The following SPEM3 variants were observed in gnomAD, a reference collection of about 807,000 sequenced individuals.
The protein encoded by SPEM3 is SPEM family member 3.
At position 7,429,852 on chromosome 17, in the gene SPEM3, C is replaced by T; in HGVS notation, c.681C>T (p.Thr227=). Residue 227 remains threonine, a synonymous_variant, in exon 3 of 3, where the codon ACC becomes ACT. Transcript: ENST00000636696. The surrounding 1 kb of genome is among the most constrained non-coding windows in gnomAD (Gnocchi z 4.9). ...TGTGCACCCCAACCCACCCCTGGAC[C>T]CGCTCCACGGACCACACCGCTGTGC... ...TPVCTPTHPW[T]RSTDHTAVHT... 1 of 402,532 alleles carries T rather than the reference C, an allele frequency of 2.5e-6. No homozygotes were observed. Among genetic ancestry groups the T allele is most frequent in the South Asian group, 1.1e-4 (1 of 8,798 alleles). 24.9% of individuals were successfully genotyped at this position (402,532 alleles called of 1,614,324 possible). A position where few individuals can be genotyped will look rare whatever the true frequency, so the allele number is the denominator to read the frequency against.
Position 7,431,849 on chromosome 17 carries a change from G to C in SPEM3, c.2678G>C (p.Ser893Thr), listed in dbSNP as rs1907841459. 1 of 398,536 alleles carries C rather than the reference G, an allele frequency of 2.5e-6. No individual in the cohort carries two copies. The highest frequency in any genetic ancestry group is 4.4e-6 in the Non-Finnish European group (1 of 226,070). 24.7% of individuals were successfully genotyped at this position (398,536 alleles called of 1,614,324 possible). A position where few individuals can be genotyped will look rare whatever the true frequency, so the allele number is the denominator to read the frequency against. ...GVIQESFLHK[S>T]PGLVQTSGLP... ...ATCCAGGAATCTTTTCTCCACAAGA[G>C]CCCAGGCCTTGTCCAAACCTCTGGC... Residue 893 changes from serine to threonine, a missense_variant, in exon 3 of 3, where the codon AGC (serine) becomes ACC (threonine). Coordinates refer to ENST00000636696, the MANE Select transcript of SPEM3 (RefSeq NM_001364708.1).
rs533132608 is a variant in SPEM3, at chr17:7,431,855, G to C, written c.2684G>C (p.Gly895Ala). The stretch of plus-strand genomic sequence containing the variant: ...GAATCTTTTCTCCACAAGAGCCCAG[G>C]CCTTGTCCAAACCTCTGGCCTCCCA... ...IQESFLHKSP[G>A]LVQTSGLPKC... is the part of the protein sequence containing the mutation. Residue 895 changes from glycine to alanine, a missense_variant, in exon 3 of 3, where the codon GGC becomes GCC. Physicochemically the swap from Gly to Ala is moderately conservative, Grantham distance 60. Transcript: ENST00000636696. The C allele has an allele frequency of 1.6e-4, 64 of 398,546 alleles. No homozygotes were observed. Among genetic ancestry groups the C allele is most frequent in the African/African-American group, 1.3e-3 (62 of 48,706 alleles). The allele number at this position is 398,546 out of a possible 1,614,324, so 24.7% of individuals were successfully genotyped here.
At position 7,428,879 on chromosome 17, in the gene SPEM3, T is replaced by C; in HGVS notation, c.-24T>C. 1 of 398,642 alleles carries C rather than the reference T, an allele frequency of 2.5e-6. No homozygotes were observed. Among genetic ancestry groups the C allele is most frequent in the East Asian group, 3.6e-5 (1 of 28,064 alleles). The allele number at this position is 398,642 out of a possible 1,614,324, so 24.7% of individuals were successfully genotyped here. A position where few individuals can be genotyped will look rare whatever the true frequency, so the allele number is the denominator to read the frequency against. The stretch of plus-strand genomic sequence containing the variant: ...AGTGACTGTGTGAGGGCCGGGGGCC[T>C]AGGCAGTCCTGGGACCCCAGGCCAT... On this transcript the variant is annotated 5_prime_UTR_variant, in exon 1 of 3. Coordinates refer to ENST00000636696, the MANE Select transcript of SPEM3 (RefSeq NM_001364708.1).
In SPEM3 at chr17:7,430,052, C is replaced by G; in HGVS notation, c.881C>G (p.Ala294Gly). 2.4e-6 allele frequency: 1 copy of G among 413,326 alleles called. No individual in the cohort carries two copies. Among genetic ancestry groups the G allele is most frequent in the Non-Finnish European group, 4.3e-6 (1 of 235,208 alleles). 25.6% of individuals were successfully genotyped at this position (413,326 alleles called of 1,614,324 possible). ...TPAPTPAKAS[A>G]HTKAHTSAQA... is the part of the protein sequence containing the mutation. ...GCCCCTACACCGGCCAAGGCCTCAG[C>G]TCACACTAAAGCCCATACGTCAGCC... is the stretch of plus-strand genomic sequence containing the variant. The change falls in exon 3 of 3, where the codon GCT becomes GGT. Residue 294 changes from alanine (A) to glycine (G), a missense_variant. Physicochemically the swap from Ala to Gly is moderately conservative, Grantham distance 60. Transcript: ENST00000636696.
Position 7,430,226 on chromosome 17 carries a change from C to T in SPEM3, c.1055C>T (p.Ala352Val). The change falls in exon 3 of 3, where the codon GCC becomes GTC. Residue 352 changes from alanine (A) to valine (V), a missense_variant. Ala to Val is a moderately conservative substitution (Grantham distance 64, BLOSUM62 0). Coordinates refer to ENST00000636696, the MANE Select transcript of SPEM3 (RefSeq NM_001364708.1). ...GCCCATGCCCCTGAGTACACCTCAG[C>T]CCATGCCCCAGCGTATATCCCAGAC... ...PQAHAPEYTS[A>V]HAPAYIPDHS... 2.4e-6 allele frequency: 1 copy of T among 412,882 alleles called. No individual in the cohort carries two copies. 25.6% of individuals were successfully genotyped at this position (412,882 alleles called of 1,614,324 possible).
Position 7,430,542 on chromosome 17 carries a change from GCAGAATTTCTTC to G in SPEM3, c.1374_1385del (p.Gln458_Phe461del). ...TGGTCTATGATGCCCGCAGGGAAAA[GCAGAATTTCTTC>G]CATATGTCCAGCCCCCAGAACCCTG... is the stretch of plus-strand genomic sequence containing the variant. On this transcript the variant is annotated inframe_deletion, in exon 3 of 3. Transcript: ENST00000636696. 1 of 398,894 alleles carries G rather than the reference GCAGAATTTCTTC, an allele frequency of 2.5e-6. No homozygotes were observed. Among genetic ancestry groups the G allele is most frequent in the Non-Finnish European group, 4.4e-6 (1 of 226,304 alleles). The allele number at this position is 398,894 out of a possible 1,614,324, so 24.7% of individuals were successfully genotyped here.
Position 7,430,288 on chromosome 17 carries a change from A to T in SPEM3, c.1117A>T (p.Thr373Ser). The T allele has an allele frequency of 2.5e-6, 1 of 407,486 alleles. No individual in the cohort carries two copies. Among genetic ancestry groups the T allele is most frequent in the Non-Finnish European group, 4.3e-6 (1 of 231,716 alleles). The allele number at this position is 407,486 out of a possible 1,614,324, so 25.2% of individuals were successfully genotyped here. A position where few individuals can be genotyped will look rare whatever the true frequency, so the allele number is the denominator to read the frequency against. ...HLVRSSVPVP[T>S]SAPAPPGTLA... ...AGTCCGCAGCTCCGTTCCTGTCCCAACCTCTGCCCCAGCTCCTCCCGGAAC... is the reference window on the plus strand; with the variant it reads ...AGTCCGCAGCTCCGTTCCTGTCCCATCCTCTGCCCCAGCTCCTCCCGGAAC... The change falls in exon 3 of 3, where the codon ACC becomes TCC. Residue 373 changes from threonine (T) to serine (S), a missense_variant. Physicochemically the swap from Thr to Ser is moderately conservative, Grantham distance 58. Transcript: ENST00000636696.
Position 7,429,515 on chromosome 17 carries a change from C to T in SPEM3, c.344C>T (p.Thr115Met), listed in dbSNP as rs1322994984. 19 of 398,564 alleles carry T rather than the reference C, an allele frequency of 4.8e-5. No homozygotes were observed. Among genetic ancestry groups the T allele is most frequent in the Non-Finnish European group, 4.4e-6 (1 of 226,148 alleles). The allele number at this position is 398,564 out of a possible 1,614,324, so 24.7% of individuals were successfully genotyped here. A position where few individuals can be genotyped will look rare whatever the true frequency, so the allele number is the denominator to read the frequency against. ...VNHLDSWIPD[T>M]NDEKVSACCC... Reference sequence around the variant, plus strand: ...CACCTTGACTCCTGGATACCAGACACGAACGATGAGAAGGTTTCTGCGTGC... The same window carrying T: ...CACCTTGACTCCTGGATACCAGACATGAACGATGAGAAGGTTTCTGCGTGC... The change falls in exon 3 of 3, where the codon ACG becomes ATG. Residue 115 changes from threonine to methionine, a missense_variant. Thr to Met is a moderately conservative substitution (Grantham distance 81, BLOSUM62 -1). Transcript: ENST00000636696. The surrounding 1 kb of genome is among the most constrained non-coding windows in gnomAD (Gnocchi z 4.9).
Position 7,431,059 on chromosome 17 carries a change from T to C in SPEM3, c.1888T>C (p.Ser630Pro). Residue 630 changes from serine (S) to proline (P), a missense_variant, in exon 3 of 3, where the codon TCC (serine) becomes CCC (proline). Transcript: ENST00000636696. ...LIQTPTVLPT[S>P]KSPQSILTSQ... is the part of the protein sequence containing the mutation. ...ACAAACCCCTACTGTTCTTCCAACC[T>C]CCAAGTCTCCTCAGTCCATCCTCAC... 1 of 398,728 alleles carries C rather than the reference T, an allele frequency of 2.5e-6. No individual in the cohort carries two copies. Among genetic ancestry groups the C allele is most frequent in the Non-Finnish European group, 4.4e-6 (1 of 226,180 alleles). 24.7% of individuals were successfully genotyped at this position (398,728 alleles called of 1,614,324 possible).
chr17:7,432,276 G>T lies in SPEM3; in HGVS notation c.3105G>T (p.Leu1035Phe). 2 of 398,720 alleles carry T rather than the reference G, an allele frequency of 5.0e-6. No homozygotes were observed. The highest frequency in any genetic ancestry group is 1.3e-4 in the South Asian group (1 of 7,850). The allele number at this position is 398,720 out of a possible 1,614,324, so 24.7% of individuals were successfully genotyped here. A position where few individuals can be genotyped will look rare whatever the true frequency, so the allele number is the denominator to read the frequency against. ...PALGSDFVQL[L>F]SLLQTPKSTL... ...TAGGTTCTGATTTTGTCCAGCTTTT[G>T]TCCCTGCTTCAGACCCCAAAGTCCA... Residue 1035 changes from leucine (L) to phenylalanine (F), a missense_variant, in exon 3 of 3, where the codon TTG (leucine) becomes TTT (phenylalanine). Transcript: ENST00000636696. This position sits in a 1 kb window ranked among gnomAD's most constrained non-coding sequence, Gnocchi z 4.1.
Position 7,432,252 on chromosome 17 carries a change from A to T in SPEM3, c.3081A>T (p.Leu1027=). The T allele has an allele frequency of 2.5e-6, 1 of 398,718 alleles. No homozygotes were observed. The highest frequency in any genetic ancestry group is 2.1e-5 in the African/African-American group (1 of 48,758). The allele number at this position is 398,718 out of a possible 1,614,324, so 24.7% of individuals were successfully genotyped here. Residue 1027 remains leucine, a synonymous_variant, in exon 3 of 3, where the codon CTA becomes CTT. Coordinates refer to ENST00000636696, the MANE Select transcript of SPEM3 (RefSeq NM_001364708.1). The surrounding 1 kb of genome is among the most constrained non-coding windows in gnomAD (Gnocchi z 4.1). Reference sequence around the variant, plus strand: ...TCTACAAGAACCCAAGCCCTGCCCTAGGTTCTGATTTTGTCCAGCTTTTGT... The same window carrying T: ...TCTACAAGAACCCAAGCCCTGCCCTTGGTTCTGATTTTGTCCAGCTTTTGT... ...PSLYKNPSPA[L]GSDFVQLLSL... is the part of the protein sequence containing the mutation.
chr17:7,430,572 G>A lies in SPEM3; in HGVS notation c.1401G>A (p.Gln467=), dbSNP rs1485442758. 2.5e-6 allele frequency: 1 copy of A among 398,668 alleles called. No individual in the cohort carries two copies. The highest frequency in any genetic ancestry group is 4.4e-6 in the Non-Finnish European group (1 of 226,242). 24.7% of individuals were successfully genotyped at this position (398,668 alleles called of 1,614,324 possible). ...KQNFFHMSSP[Q]NPEYSRKDLA... ...ATTTCTTCCATATGTCCAGCCCCCA[G>A]AACCCTGAGTATTCAAGAAAAGACT... The change falls in exon 3 of 3, where the codon CAG becomes CAA. Residue 467 remains glutamine, a synonymous_variant. Coordinates refer to ENST00000636696, the MANE Select transcript of SPEM3 (RefSeq NM_001364708.1).
At position 7,431,154 on chromosome 17, in the gene SPEM3, ATGTCATGAGAG is replaced by A. The variant is rs1907820041; in HGVS notation, c.1985_1995del (p.Cys662SerfsTer59). 2.5e-6 allele frequency: 1 copy of A among 398,488 alleles called. No individual in the cohort carries two copies. The allele number at this position is 398,488 out of a possible 1,614,324, so 24.7% of individuals were successfully genotyped here. ...CCCTGATCCAACCCCAATGCCCTGAATGTCATGAGAGTCTAGGCCTTACCCAAGATTCTGGC... is the reference window on the plus strand; with the variant it reads ...CCCTGATCCAACCCCAATGCCCTGAATCTAGGCCTTACCCAAGATTCTGGC... On this transcript the variant is annotated frameshift_variant, in exon 3 of 3. Coordinates refer to ENST00000636696, the MANE Select transcript of SPEM3 (RefSeq NM_001364708.1). LOFTEE classifies it low-confidence loss of function (END_TRUNC).
Position 7,430,884 on chromosome 17 carries a change from A to G in SPEM3, c.1713A>G (p.Ala571=), listed in dbSNP as rs1206407982. ...TCCTTGCCTACTCCCGGGATACTGC[A>G]TGTGCCAAGACTTGCTTTCATTCTG... ...PKFLAYSRDT[A]CAKTCFHSAT... The change falls in exon 3 of 3, where the codon GCA becomes GCG. Residue 571 remains alanine, a synonymous_variant. Transcript: ENST00000636696. The G allele has an allele frequency of 2.5e-6, 1 of 398,536 alleles. No homozygotes were observed. The highest frequency in any genetic ancestry group is 4.4e-6 in the Non-Finnish European group (1 of 226,130). The allele number at this position is 398,536 out of a possible 1,614,324, so 24.7% of individuals were successfully genotyped here.
Position 7,429,830 on chromosome 17 carries a change from G to A in SPEM3, c.659G>A (p.Cys220Tyr). 1.5e-5 allele frequency: 6 copies of A among 400,370 alleles called. No individual in the cohort carries two copies. The highest frequency in any genetic ancestry group is 2.2e-5 in the Non-Finnish European group (5 of 227,638). 24.8% of individuals were successfully genotyped at this position (400,370 alleles called of 1,614,324 possible). A position where few individuals can be genotyped will look rare whatever the true frequency, so the allele number is the denominator to read the frequency against. Residue 220 changes from cysteine (C) to tyrosine (Y), a missense_variant, in exon 3 of 3, where the codon TGC becomes TAC. Transcript: ENST00000636696. This position sits in a 1 kb window ranked among gnomAD's most constrained non-coding sequence, Gnocchi z 4.9. ...CACTCCCCAACCCACACTCCTGTGT[G>A]CACCCCAACCCACCCCTGGACCCGC... ...QVHSPTHTPV[C>Y]TPTHPWTRST...
At position 7,429,503 on chromosome 17, in the gene SPEM3, G is replaced by T. The variant is rs1044109503; in HGVS notation, c.332G>T (p.Trp111Leu). ...LLRRVNHLDS[W>L]IPDTNDEKVS... ...AGGCGCGTTAACCACCTTGACTCCT[G>T]GATACCAGACACGAACGATGAGAAG... Residue 111 changes from tryptophan to leucine, a missense_variant, in exon 3 of 3, where the codon TGG becomes TTG. By Grantham distance (61) the Trp-to-Leu change is moderately conservative (BLOSUM62 -2). Transcript: ENST00000636696. The surrounding 1 kb of genome is among the most constrained non-coding windows in gnomAD (Gnocchi z 4.9). The T allele has an allele frequency of 2.0e-5, 8 of 398,504 alleles. No homozygotes were observed. Among genetic ancestry groups the T allele is most frequent in the Non-Finnish European group, 3.1e-5 (7 of 226,094 alleles). The allele number at this position is 398,504 out of a possible 1,614,324, so 24.7% of individuals were successfully genotyped here. A position where few individuals can be genotyped will look rare whatever the true frequency, so the allele number is the denominator to read the frequency against.
rs1423470495 is a variant in SPEM3, at chr17:7,431,870, C to T, written c.2699C>T (p.Ser900Phe). The change falls in exon 3 of 3, where the codon TCT (serine) becomes TTT (phenylalanine). Residue 900 changes from serine to phenylalanine, a missense_variant. Transcript: ENST00000636696. ...LHKSPGLVQT[S>F]GLPKCSGLTQ... Reference sequence around the variant, plus strand: ...AAGAGCCCAGGCCTTGTCCAAACCTCTGGCCTCCCAAAGTGCTCAGGCCTT... The same window carrying T: ...AAGAGCCCAGGCCTTGTCCAAACCTTTGGCCTCCCAAAGTGCTCAGGCCTT... 3 of 398,540 alleles carry T rather than the reference C, an allele frequency of 7.5e-6. No individual in the cohort carries two copies. Among genetic ancestry groups the T allele is most frequent in the Non-Finnish European group, 8.8e-6 (2 of 226,104 alleles). 24.7% of individuals were successfully genotyped at this position (398,540 alleles called of 1,614,324 possible).
At position 7,431,629 on chromosome 17, in the gene SPEM3, A is replaced by G; in HGVS notation, c.2458A>G (p.Lys820Glu). Residue 820 changes from lysine (K) to glutamate (E), a missense_variant, in exon 3 of 3, where the codon AAA (lysine) becomes GAA (glutamate). Physicochemically the swap from Lys to Glu is moderately conservative, Grantham distance 56 (BLOSUM62 1). Coordinates refer to ENST00000636696, the MANE Select transcript of SPEM3 (RefSeq NM_001364708.1). ...LEPNQETVIY[K>E]NQDLSQATDH... ...ACCAAACCAAGAGACTGTGATCTAC[A>G]AAAATCAAGATCTCTCCCAAGCAAC... 1 of 398,608 alleles carries G rather than the reference A, an allele frequency of 2.5e-6. No homozygotes were observed. Among genetic ancestry groups the G allele is most frequent in the East Asian group, 3.6e-5 (1 of 28,074 alleles). 24.7% of individuals were successfully genotyped at this position (398,608 alleles called of 1,614,324 possible).
Position 7,429,969 on chromosome 17 carries a change from C to T in SPEM3, c.798C>T (p.Ala266=). The T allele has an allele frequency of 2.4e-6, 1 of 424,748 alleles. No individual in the cohort carries two copies. The highest frequency in any genetic ancestry group is 4.1e-6 in the Non-Finnish European group (1 of 242,504). 26.3% of individuals were successfully genotyped at this position (424,748 alleles called of 1,614,324 possible). Residue 266 remains alanine, a synonymous_variant, in exon 3 of 3, where the codon GCC becomes GCT. Transcript: ENST00000636696. This position sits in a 1 kb window ranked among gnomAD's most constrained non-coding sequence, Gnocchi z 4.9. ...AGGACACCTCAGCCCAGGCCCAAGC[C>T]CACACCTCAGCCCCTACCCCAGCTC... ...QAQDTSAQAQ[A]HTSAPTPAQT...
Sources: gnomAD v4.1 joint callset for allele counts on GRCh38, gnomAD v4.1.1 for gene constraint, Gnocchi (gnomAD v3.1) non-coding constraint, MANE v1.5 for transcripts, NCBI Gene and HGNC (gene_info 2026-07-23, HGNC 2026-07-21) for gene names.